Variants in TRPM3 observed in about 807,000 individuals in gnomAD.
TRPM3 encodes the protein transient receptor potential cation channel subfamily M member 3.
A neutral mutation model predicts 181.2 loss-of-function variants in TRPM3; 77 were observed. The ratio of observed to expected loss-of-function variants is 0.42; its 90% CI spans 0.35 to 0.51. The LOEUF (loss-of-function observed/expected upper bound fraction) is 0.51. Among genes scored for constraint, TRPM3 ranks in the 20% least tolerant of loss-of-function variants. The pLI is 0.01. For missense variants in TRPM3, 1,759 were observed against 2,196.7 expected, an observed-to-expected ratio of 0.80 and a Z score of 3.98; for synonymous variants, 745 against 796.4, an observed-to-expected ratio of 0.94 and a Z score of 1.09.
intron 1 of TRPM3, among the ~76,000 whole-genome samples, chr9:70,902,651 T>C (rs949782727): frequency 6.6e-6 from 1 of 152,170 alleles, no homozygotes; most frequent in Non-Finnish European, 1.5e-5. Flanking sequence ...AAACAAGCCA[T>C]GCTCATTCAT....
At chr9:70,654,739 G>C (rs926932023) in intron 9 of TRPM3, among the ~76,000 whole-genome samples, 44 of 150,146 alleles carry the variant, frequency 2.9e-4, no homozygotes, top group Admixed American at 1.2e-3. Context: ...CTGGAGTGCA[G>C]TGGCGCGATC....
intron 21 of TRPM3, among the ~76,000 whole-genome samples, chr9:70,596,807 T>C (rs886589449): frequency 3.3e-5 from 5 of 152,134 alleles, no homozygotes; most frequent in African/African-American, 9.7e-5. Context: ...AAGAGGTTTT[T>C]CTTTTTCTGT....
chr9:70,619,406 C>CTTTTTTT (rs1170887633), intron 16 of TRPM3, among the ~76,000 whole-genome samples: 13 of 81,442 alleles, frequency 1.6e-4, no homozygotes, highest in East Asian at 3.8e-4. Context: ...TCGTCGTCTT[C>CTTTTTTT]TTTTTTTTTT....
intron 1 of TRPM3, among the ~76,000 whole-genome samples, chr9:71,276,361 G>T (rs1374148323): frequency 1.3e-5 from 2 of 152,048 alleles, no homozygotes; most frequent in Non-Finnish European, 2.9e-5. Flanking sequence ...GGGAAAGATT[G>T]TATCAAAAAC....
At chr9:70,931,343 G>T (rs2096773304) in intron 1 of TRPM3, among the ~76,000 whole-genome samples, 1 of 152,010 alleles carries the variant, frequency 6.6e-6, no homozygotes, top group African/African-American at 2.4e-5. Context: ...AATTACAAAG[G>T]TTATATAATT....
intron 1 of TRPM3, among the ~76,000 whole-genome samples, chr9:71,443,162 A>G (rs2094156260): frequency 6.6e-6 from 1 of 152,196 alleles, no homozygotes. Context: ...TTTCCAAGGA[A>G]TGAATATAAT....
intron 6 of TRPM3, among the ~76,000 whole-genome samples, chr9:70,795,450 T>A (rs1174406856): frequency 6.6e-6 from 1 of 152,256 alleles, no homozygotes; most frequent in Non-Finnish European, 1.5e-5. Context: ...TTTACACATT[T>A]AAACTGAAAG....
At chr9:71,067,374 T>C (rs910424868) in intron 1 of TRPM3, among the ~76,000 whole-genome samples, 4 of 152,176 alleles carry the variant, frequency 2.6e-5, no homozygotes, top group African/African-American at 9.7e-5. Flanking sequence ...TCTTTTGTCA[T>C]TGAAAAACAT....
intron 1 of TRPM3, among the ~76,000 whole-genome samples, chr9:71,347,842 T>C (rs1228652363): frequency 6.6e-6 from 1 of 152,064 alleles, no homozygotes; most frequent in African/African-American, 2.4e-5. Flanking sequence ...TAAAATTGCA[T>C]TTATTAGGTT....
intron 1 of TRPM3, among the ~76,000 whole-genome samples, chr9:71,361,471 T>C (rs1368399987): frequency 6.6e-6 from 1 of 152,230 alleles, no homozygotes; most frequent in Non-Finnish European, 1.5e-5. Flanking sequence ...TAGCAGAGGC[T>C]GGTTCATGCT....
At chr9:71,315,830 G>T (rs927593833) in intron 1 of TRPM3, among the ~76,000 whole-genome samples, 17 of 152,176 alleles carry the variant, frequency 1.1e-4, no homozygotes, top group Admixed American at 7.9e-4. Context: ...GCAAAATCTT[G>T]CCCTTGTTTT....
At chr9:70,603,106 G>C (rs760487739) in intron 20 of TRPM3, among the ~76,000 whole-genome samples, 48 of 152,282 alleles carry the variant, frequency 3.2e-4, no homozygotes, top group South Asian at 1.7e-3. Context: ...TGGGACAAAG[G>C]CTACGTTAGC....
chr9:70,883,939 A>G (rs754352947), intron 1 of TRPM3, among the ~76,000 whole-genome samples: 8 of 152,198 alleles, frequency 5.3e-5, no homozygotes, highest in Non-Finnish European at 1.0e-4. Flanking sequence ...ACAGAGGCTG[A>G]AACGTTCTGT....
intron 1 of TRPM3, among the ~76,000 whole-genome samples, chr9:71,202,031 T>C (rs2078829617): frequency 6.6e-6 from 1 of 152,190 alleles, no homozygotes; most frequent in Non-Finnish European, 1.5e-5. Context: ...TTCTGTCTGT[T>C]AGTTTTCCTT....
chr9:71,304,646 T>C (rs1410631486), intron 1 of TRPM3, among the ~76,000 whole-genome samples: 1 of 152,042 alleles, frequency 6.6e-6, no homozygotes, highest in Non-Finnish European at 1.5e-5. Flanking sequence ...ACCACGCAAA[T>C]GGAAAATAAA....
At chr9:70,830,505 C>T (rs1459326466) in intron 5 of TRPM3, among the ~76,000 whole-genome samples, 1 of 152,280 alleles carries the variant, frequency 6.6e-6, no homozygotes, top group Middle Eastern at 3.4e-3. Flanking sequence ...CTTCATCTTA[C>T]TGATCCCTAT....
upstream of TRPM3, among the ~76,000 whole-genome samples, chr9:71,122,514 G>A (rs370373662): frequency 1.3e-5 from 2 of 152,038 alleles, no homozygotes; most frequent in South Asian, 2.1e-4. Flanking sequence ...TTGGAGCATC[G>A]CCATCTTATT....
intron 1 of TRPM3, among the ~76,000 whole-genome samples, chr9:71,327,440 T>C (rs747248165): frequency 6.6e-6 from 1 of 152,104 alleles, no homozygotes; most frequent in Admixed American, 6.5e-5. Context: ...GTGGTGGTTT[T>C]CCAGGGATAT....
At chr9:71,038,466 C>T (rs1025720372) in intron 1 of TRPM3, among the ~76,000 whole-genome samples, 2 of 151,880 alleles carry the variant, frequency 1.3e-5, no homozygotes, top group African/African-American at 4.8e-5. Flanking sequence ...TTTGTTTCTT[C>T]CCTCTCTTCC....
Sources: allele counts gnomAD v4.1 joint callset (sites outside exome capture counted in the v4.1 genomes callset), GRCh38; gene constraint gnomAD v4.1.1; transcripts MANE v1.5; gene names NCBI Gene and HGNC (gene_info 2026-07-23, HGNC 2026-07-21).